DAD1: variants seen among roughly 807,000 people sequenced by gnomAD.
DAD1 encodes the protein dolichyl-diphosphooligosaccharide--protein glycosyltransferase subunit DAD1.
In DAD1, 4 loss-of-function variants were observed where a neutral mutation model predicts 9.0. The ratio of observed to expected loss-of-function variants is 0.44; its 90% CI spans 0.22 to 1.01. DAD1 has a LOEUF of 1.01. Ranked by LOEUF, DAD1 falls within the 50% of genes least tolerant of loss-of-function variation. DAD1 has a pLI of 0.24. For synonymous variants in DAD1, 60 were observed against 62.5 expected, an observed-to-expected ratio of 0.96 and a Z score of 0.19; for missense variants, 119 against 137.3, an observed-to-expected ratio of 0.87 and a Z score of 0.67.
intron 1 of DAD1, among the ~76,000 whole-genome samples, chr14:22,587,277 G>C (rs768133564): frequency 6.6e-6 from 1 of 152,170 alleles, no homozygotes; most frequent in Non-Finnish European, 1.5e-5. Flanking sequence ...CTTCTACATG[G>C]AGAAGGCATC....
At chr14:22,566,891 T>A (rs1028542661) in intron 2 of DAD1, among the ~76,000 whole-genome samples, 7 of 152,220 alleles carry the variant, frequency 4.6e-5, no homozygotes, top group Admixed American at 2.6e-4. Flanking sequence ...TTCCCCTCTT[T>A]TAAAGCAGAT....
chr14:22,586,351 G>A (rs5742749), intron 1 of DAD1, among the ~76,000 whole-genome samples: 28 of 151,720 alleles, frequency 1.8e-4, no homozygotes, highest in African/African-American at 6.8e-4. Context: ...TTTGAGACCA[G>A]CCTGACCAAC....
intron 1 of DAD1, among the ~76,000 whole-genome samples, chr14:22,580,630 T>G (rs976625520): frequency 6.6e-6 from 1 of 152,032 alleles, no homozygotes; most frequent in African/African-American, 2.4e-5. Context: ...TAAATTGATG[T>G]TATTATTATT....
chr14:22,569,176 T>C (rs2037021182), intron 2 of DAD1, among the ~76,000 whole-genome samples: 1 of 152,238 alleles, frequency 6.6e-6, no homozygotes, highest in Non-Finnish European at 1.5e-5. Flanking sequence ...GGCTCATGCC[T>C]GTAATTCCAG....
chr14:22,574,899 G>T (rs2037065932), intron 2 of DAD1, among the ~76,000 whole-genome samples, 160 bp downstream of exon 2: 1 of 152,216 alleles, frequency 6.6e-6, no homozygotes, highest in Non-Finnish European at 1.5e-5. Flanking sequence ...TAGCACTGAT[G>T]AATTATGATG....
At chr14:22,578,168 G>C (rs2037090982) in intron 1 of DAD1, among the ~76,000 whole-genome samples, 1 of 152,026 alleles carries the variant, frequency 6.6e-6, no homozygotes, top group Non-Finnish European at 1.5e-5. Context: ...CAATGAGGCA[G>C]GAGAATTGGT....
chr14:22,576,167 A>G (rs2037076575), intron 1 of DAD1, among the ~76,000 whole-genome samples: 1 of 152,208 alleles, frequency 6.6e-6, no homozygotes, highest in Non-Finnish European at 1.5e-5. Context: ...GCCTAGCTCC[A>G]TGGTATTTTT....
At chr14:22,580,459 G>C (rs903430008) in intron 1 of DAD1, among the ~76,000 whole-genome samples, 1 of 151,704 alleles carries the variant, frequency 6.6e-6, no homozygotes, top group Non-Finnish European at 1.5e-5. Flanking sequence ...TACATATAAT[G>C]ATATACATAA....
chr14:22,581,539 C>T (rs1007145501), intron 1 of DAD1, among the ~76,000 whole-genome samples: 2 of 150,760 alleles, frequency 1.3e-5, no homozygotes, highest in Non-Finnish European at 3.0e-5. Context: ...GTCGGGAGTT[C>T]GAGACCAGCC....
intron 2 of DAD1, among the ~76,000 whole-genome samples, chr14:22,571,470 A>G (rs1257191180): frequency 6.6e-6 from 1 of 151,952 alleles, no homozygotes; most frequent in Non-Finnish European, 1.5e-5. Flanking sequence ...AAAACTGATC[A>G]TTTCAGGTGT....
At chr14:22,580,189 G>A (rs774615874) in intron 1 of DAD1, among the ~76,000 whole-genome samples, 2 of 152,014 alleles carry the variant, frequency 1.3e-5, no homozygotes, top group Non-Finnish European at 2.9e-5. Flanking sequence ...AAACCAAGGT[G>A]GGAGGATCGC....
At chr14:22,575,296 A>G in intron 1 of DAD1, 63 bp from the exon 2 acceptor site, 1 of 1,567,992 alleles carries the variant, frequency 6.4e-7, no homozygotes, top group Non-Finnish European at 8.7e-7. Flanking sequence ...TATGCTAATG[A>G]ACACAGACAT....
chr14:22,580,263 T>A (rs1025714958), intron 1 of DAD1, among the ~76,000 whole-genome samples: 1 of 150,372 alleles, frequency 6.7e-6, no homozygotes. Flanking sequence ...ACAAAAAAAA[T>A]GTTTTAATTA....
At chr14:22,566,299 C>A (rs2037001537) in intron 2 of DAD1, among the ~76,000 whole-genome samples, 1 of 151,600 alleles carries the variant, frequency 6.6e-6, no homozygotes, top group Non-Finnish European at 1.5e-5. Context: ...TTAAAGCAAA[C>A]TCTCTGGCAA....
chr14:22,579,620 T>C (rs909855427), intron 1 of DAD1, among the ~76,000 whole-genome samples: 2 of 152,180 alleles, frequency 1.3e-5, no homozygotes, highest in African/African-American at 4.8e-5. Flanking sequence ...TAAAATGATT[T>C]TACCTTTTGA....
Position 22,589,167 on chromosome 14 carries a change from C to A in DAD1, c.-10G>T. 6.2e-7 allele frequency: 1 copy of A among 1,614,066 alleles called. No homozygotes were observed. The highest frequency in any genetic ancestry group is 8.5e-7 in the Non-Finnish European group (1 of 1,179,932). On this transcript the variant is annotated 5_prime_UTR_variant, in exon 1 of 3. Transcript: ENST00000250498. Reference sequence around the variant, plus strand: ...CTACCGACGCCGACATAACTGCACGCAAGGTACTCCGGTCCGCGCCCCAAA... The same window carrying A: ...CTACCGACGCCGACATAACTGCACGAAAGGTACTCCGGTCCGCGCCCCAAA...
intron 1 of DAD1, among the ~76,000 whole-genome samples, chr14:22,575,543 A>C (rs956194650): frequency 2.0e-5 from 3 of 152,188 alleles, no homozygotes; most frequent in Admixed American, 2.0e-4. Context: ...ACACAATCAA[A>C]AACTTTATTT....
chr14:22,587,410 A>G (rs149134950), intron 1 of DAD1, among the ~76,000 whole-genome samples: 34 of 152,302 alleles, frequency 2.2e-4, no homozygotes, highest in African/African-American at 8.2e-4. Flanking sequence ...TGGCTAATAA[A>G]AACATATAGT....
intron 2 of DAD1, among the ~76,000 whole-genome samples, chr14:22,565,342 A>G (rs2036995719): frequency 6.6e-6 from 1 of 152,242 alleles, no homozygotes; most frequent in Non-Finnish European, 1.5e-5. Flanking sequence ...ATTAATGTCA[A>G]AACTGAATTT....
Sources: allele counts gnomAD v4.1 joint callset (sites outside exome capture counted in the v4.1 genomes callset), GRCh38; gene constraint gnomAD v4.1.1; transcripts MANE v1.5; gene names NCBI Gene and HGNC (gene_info 2026-07-23, HGNC 2026-07-21).